The following CLPB variants were observed in gnomAD, a reference collection of about 807,000 sequenced individuals.
The protein encoded by CLPB is mitochondrial disaggregase.
Under a neutral mutation model 78.4 loss-of-function variants are expected in CLPB, and 40 were observed. The ratio of observed to expected loss-of-function variants is 0.51; its 90% CI spans 0.40 to 0.66. The LOEUF (loss-of-function observed/expected upper bound fraction) is 0.66, where lower values mean the gene tolerates loss of function less well. CLPB is among the 30% of genes least tolerant of loss of function. CLPB has a pLI of 0.00. For missense variants in CLPB, 780 were observed against 886.9 expected, an observed-to-expected ratio of 0.88 and a Z score of 1.53; for synonymous variants, 333 against 348.0, an observed-to-expected ratio of 0.96 and a Z score of 0.48.
At chr11:72,298,419 G>A (rs1257488433) in intron 11 of CLPB, among the ~76,000 whole-genome samples, 5 of 152,158 alleles carry the variant, frequency 3.3e-5, no homozygotes, top group Non-Finnish European at 5.9e-5. Context: ...CCAAGGCCAG[G>A]GCTGCATCTG....
At chr11:72,401,173 C>T (rs1855549226) in intron 3 of CLPB, among the ~76,000 whole-genome samples, 1 of 152,190 alleles carries the variant, frequency 6.6e-6, no homozygotes, top group African/African-American at 2.4e-5. Flanking sequence ...GACATGGTGG[C>T]TCACGCCTGT....
intron 11 of CLPB, among the ~76,000 whole-genome samples, chr11:72,298,476 GA>G (rs1379668768): frequency 6.6e-6 from 1 of 152,142 alleles, no homozygotes; most frequent in African/African-American, 2.4e-5. Flanking sequence ...ATGAATAAAT[GA>G]ATGAGCCACA....
At chr11:72,366,464 G>A (rs1455350105) in intron 4 of CLPB, among the ~76,000 whole-genome samples, 1 of 152,042 alleles carries the variant, frequency 6.6e-6, no homozygotes, top group Non-Finnish European at 1.5e-5. Context: ...CTGACCATGG[G>A]TGATCCACCT....
chr11:72,302,034 G>A (rs564494705), intron 10 of CLPB, 70 bp from the exon 11 acceptor site: 1 of 1,547,286 alleles, frequency 6.5e-7, no homozygotes, highest in South Asian at 1.2e-5. Flanking sequence ...GGGCATGCAT[G>A]GGAAGATGAC....
intron 4 of CLPB, among the ~76,000 whole-genome samples, chr11:72,361,054 C>G (rs1206092063): frequency 6.6e-6 from 1 of 152,206 alleles, no homozygotes; most frequent in Non-Finnish European, 1.5e-5. Context: ...CAAACTCACT[C>G]TCTGCAGAAT....
At chr11:72,374,600 C>T (rs1565470007) in intron 4 of CLPB, among the ~76,000 whole-genome samples, 1 of 152,188 alleles carries the variant, frequency 6.6e-6, no homozygotes, top group Non-Finnish European at 1.5e-5. Flanking sequence ...AGGCTTCTTG[C>T]TAAAGAGCAA....
intron 5 of CLPB, among the ~76,000 whole-genome samples, chr11:72,345,814 G>A (rs1472088882): frequency 1.3e-5 from 2 of 152,326 alleles, no homozygotes; most frequent in African/African-American, 2.4e-5. Context: ...TAGGAACCCA[G>A]TATTTGACTA....
intron 3 of CLPB, among the ~76,000 whole-genome samples, chr11:72,393,276 G>A (rs1362679520): frequency 6.6e-6 from 1 of 152,146 alleles, no homozygotes; most frequent in Non-Finnish European, 1.5e-5. Context: ...TTACAGTATG[G>A]ACCCAGACTA....
At chr11:72,416,635 C>G (rs1856032685) in intron 2 of CLPB, among the ~76,000 whole-genome samples, 2 of 149,238 alleles carry the variant, frequency 1.3e-5, no homozygotes, top group Non-Finnish European at 3.0e-5. Context: ...ACTTGGGAGG[C>G]TGAGGCAGAA....
chr11:72,374,895 T>C (rs1854636987), intron 4 of CLPB, among the ~76,000 whole-genome samples: 1 of 152,162 alleles, frequency 6.6e-6, no homozygotes, highest in Admixed American at 6.5e-5. Flanking sequence ...TTGTTTTAAC[T>C]CCCAAGGAAA....
chr11:72,392,452 T>G (rs1047537716), intron 3 of CLPB, among the ~76,000 whole-genome samples: 2 of 152,150 alleles, frequency 1.3e-5, no homozygotes, highest in African/African-American at 4.8e-5. Flanking sequence ...TCCTGTGGCA[T>G]GGGGACATGA....
At chr11:72,376,179 A>C (rs1200070499) in intron 4 of CLPB, among the ~76,000 whole-genome samples, 1 of 152,124 alleles carries the variant, frequency 6.6e-6, no homozygotes, top group East Asian at 1.9e-4. Context: ...AAGTCAGGTA[A>C]TTTTTCATGC....
rs148958224 is a variant in CLPB, at chr11:72,322,587, C to T, written c.874-5367G>A. 3.2e-3 allele frequency among the ~76,000 whole-genome samples: 482 copies of T among 152,236 alleles called. 5 individuals are homozygous for T. Among genetic ancestry groups the T allele is most frequent in the African/African-American group, 0.011 (460 of 41,540 alleles). Reference sequence around the variant, plus strand: ...GAAAAATACTTGATATGTATATATTCTATTTGGAGGAGAGGAGAAAGAACG... The same window carrying T: ...GAAAAATACTTGATATGTATATATTTTATTTGGAGGAGAGGAGAAAGAACG... On this transcript the variant is annotated intron_variant, in intron 6 of 15. Coordinates refer to ENST00000538039, the MANE Select transcript of CLPB (RefSeq NM_001258392.3).
intron 11 of CLPB, among the ~76,000 whole-genome samples, chr11:72,300,945 G>C (rs1040924909): frequency 6.6e-6 from 1 of 152,090 alleles, no homozygotes; most frequent in African/African-American, 2.4e-5. Context: ...CAGTGGTATG[G>C]GGGGAGAATT....
intron 5 of CLPB, among the ~76,000 whole-genome samples, chr11:72,342,182 G>A (rs1209655188): frequency 1.3e-5 from 2 of 152,130 alleles, no homozygotes; most frequent in African/African-American, 2.4e-5. Context: ...AGATGTCTAC[G>A]GAATATTAAG....
At chr11:72,424,341 A>G (rs976848115) in intron 2 of CLPB, among the ~76,000 whole-genome samples, 1 of 152,204 alleles carries the variant, frequency 6.6e-6, no homozygotes, top group Admixed American at 6.5e-5. Context: ...TCTACCCTGT[A>G]GTTTCCTAAC....
At chr11:72,424,178 A>G (rs1231572135) in intron 2 of CLPB, among the ~76,000 whole-genome samples, 1 of 152,232 alleles carries the variant, frequency 6.6e-6, no homozygotes, top group East Asian at 1.9e-4. Flanking sequence ...CTTCCTTTGA[A>G]TTGATGAATA....
Position 72,308,553 on chromosome 11 carries a change from A to G in CLPB, c.1040T>C (p.Phe347Ser). The G allele has an allele frequency of 6.2e-7, 1 of 1,614,160 alleles. No homozygotes were observed. The highest frequency in any genetic ancestry group is 8.5e-7 in the Non-Finnish European group (1 of 1,180,026). Residue 347 changes from phenylalanine (F) to serine (S), a missense_variant, in exon 8 of 16, where the codon TTC (phenylalanine) becomes TCC (serine). By Grantham distance (155) the Phe-to-Ser change is radical (BLOSUM62 -2). This residue lies in a region of CLPB where 91 missense variants were observed against 168.2 expected (regional missense o/e 0.54). Transcript: ENST00000538039. ...GWYDEEHPLV[F>S]LFLGSSGIGK... ...TATTCCAGATGATCCCAAGAAGAGG[A>G]AGACCAGAGGGTGTTCTTCATCGTA...
chr11:72,295,176 C>T (rs568398253), intron 12 of CLPB, among the ~76,000 whole-genome samples: 1 of 152,342 alleles, frequency 6.6e-6, no homozygotes, highest in East Asian at 1.9e-4. Flanking sequence ...ATCTGTGTCT[C>T]TTGCATGTGC....
Sources: allele counts gnomAD v4.1 joint callset (sites outside exome capture counted in the v4.1 genomes callset), GRCh38; gene constraint gnomAD v4.1.1; regional missense constraint gnomAD v4.1.1; transcripts MANE v1.5; gene names NCBI Gene and HGNC (gene_info 2026-07-23, HGNC 2026-07-21).